Variants in GNG2 observed in about 807,000 individuals in gnomAD.
The protein encoded by GNG2 is G protein subunit gamma 2.
GNG2 carries 5 observed loss-of-function variants against 5.5 expected under a neutral mutation model. The observed-to-expected ratio is 0.91, with a 90% confidence interval of 0.48 to 1.92. GNG2 has a LOEUF of 1.92. Among genes scored for constraint, GNG2 ranks in the 30% most tolerant of loss-of-function variants. The pLI is 0.01. For synonymous variants in GNG2, 28 were observed against 32.0 expected (o/e 0.88, Z 0.42); for missense variants, 55 against 88.4 (o/e 0.62, Z 1.52).
At chr14:51,956,038 A>C (rs1889256321) in intron 3 of GNG2, among the ~76,000 whole-genome samples, 1 of 152,196 alleles carries the variant, frequency 6.6e-6, no homozygotes, top group African/African-American at 2.4e-5. Flanking sequence ...GTATTTTTCC[A>C]GCATTTGAGC....
At chr14:51,827,858 G>C in intron 2 of GNG2, 1 of 635,830 alleles carries the variant, frequency 1.6e-6, no homozygotes, top group East Asian at 2.8e-5. Flanking sequence ...GGAAAACGTT[G>C]AAGTGTTTAT....
At chr14:51,918,784 T>A (rs1034307316) in intron 2 of GNG2, among the ~76,000 whole-genome samples, 5 of 152,190 alleles carry the variant, frequency 3.3e-5, no homozygotes, top group Non-Finnish European at 5.9e-5. Context: ...TTTGGAGAAA[T>A]TCTTGTGTAT....
At chr14:51,837,646 CAAAAAA>C in intron 2 of GNG2, among the ~76,000 whole-genome samples, 1 of 123,140 alleles carries the variant, frequency 8.1e-6, no homozygotes, top group Non-Finnish European at 1.7e-5. Context: ...GACTCCGTTT[CAAAAAA>C]AAAAAAAAAA....
At chr14:51,832,563 C>G (rs1174268275) in intron 2 of GNG2, among the ~76,000 whole-genome samples, 1 of 152,144 alleles carries the variant, frequency 6.6e-6, no homozygotes, top group Non-Finnish European at 1.5e-5. Flanking sequence ...GTTTAAACAA[C>G]AGAAATTTAT....
At chr14:51,871,343 G>T (rs1450178112) in intron 1 of GNG2, among the ~76,000 whole-genome samples, 2 of 123,726 alleles carry the variant, frequency 1.6e-5, no homozygotes, top group African/African-American at 5.8e-5. Context: ...AAAAAAAAAA[G>T]GTCCAACTAG....
chr14:51,923,809 C>T (rs998088267), intron 2 of GNG2, among the ~76,000 whole-genome samples: 8 of 152,108 alleles, frequency 5.3e-5, no homozygotes, highest in African/African-American at 1.9e-4. Context: ...ACAACCCTTG[C>T]TTGTGACAGG....
chr14:51,872,974 A>G (rs1437762440), intron 1 of GNG2, among the ~76,000 whole-genome samples: 1 of 152,164 alleles, frequency 6.6e-6, no homozygotes, highest in Non-Finnish European at 1.5e-5. Flanking sequence ...TCACCTGATT[A>G]TTTCATTTGG....
intron 2 of GNG2, among the ~76,000 whole-genome samples, chr14:51,894,980 T>TTTAAATTAAATTAAATTAAA (rs1885093811): frequency 6.6e-6 from 1 of 151,920 alleles, no homozygotes; most frequent in East Asian, 1.9e-4. Flanking sequence ...AAGAAGAACT[T>TTTAAATTAAATTAAATTAAA]TTAAAATAAT....
chr14:51,947,395 A>C (rs558826938), intron 2 of GNG2, among the ~76,000 whole-genome samples: 50 of 152,288 alleles, frequency 3.3e-4, no homozygotes, highest in African/African-American at 1.2e-3. Flanking sequence ...GGGTCCTTAA[A>C]AGTGGAAGGG....
intron 2 of GNG2, among the ~76,000 whole-genome samples, chr14:51,886,302 A>C (rs754624487): frequency 6.6e-6 from 1 of 152,196 alleles, no homozygotes; most frequent in African/African-American, 2.4e-5. Context: ...ACCTTACACA[A>C]TTGCCAGTGA....
rs375012228 is a variant in GNG2 at position 51,852,862 on chromosome 14, C to T, written c.64+25055C>T. On this transcript the variant is annotated intron_variant, in intron 2 of 3. Coordinates refer to the GNG2 transcript ENST00000553432. ...TGCCAGAAGAGCAATCAATTGACAA[C>T]GCTTTCCTTCATAAGAGCTTTCTAC... is the stretch of plus-strand genomic sequence containing the variant. Among the ~76,000 whole-genome samples the T allele has an allele frequency of 1.1e-4, 17 of 152,362 alleles. No homozygotes were observed. The South Asian group carries it at 1.7e-3, about 15-fold the overall frequency.
intron 2 of GNG2, among the ~76,000 whole-genome samples, chr14:51,928,888 T>G (rs945075691): frequency 5.3e-5 from 8 of 152,186 alleles, no homozygotes; most frequent in African/African-American, 1.9e-4. Context: ...TTTGCCATTT[T>G]CTAGCCTCCA....
intron 2 of GNG2, among the ~76,000 whole-genome samples, chr14:51,947,724 A>G (rs906175111): frequency 4.6e-5 from 7 of 152,306 alleles, no homozygotes; most frequent in Admixed American, 4.6e-4. Flanking sequence ...GCAGCAATAG[A>G]ACAAATATAT....
intron 2 of GNG2, among the ~76,000 whole-genome samples, chr14:51,844,090 G>T (rs1337036671): frequency 6.6e-6 from 1 of 152,158 alleles, no homozygotes; most frequent in Non-Finnish European, 1.5e-5. Context: ...CTTTGTTCTC[G>T]TGGCTGTCCC....
intron 1 of GNG2, among the ~76,000 whole-genome samples, chr14:51,872,924 T>C (rs951735346): frequency 2.6e-5 from 4 of 152,212 alleles, no homozygotes; most frequent in African/African-American, 9.6e-5. Context: ...TACCCACAGA[T>C]TTAGGCTGTT....
rs1889954367 is a variant in GNG2 at position 51,966,961 on chromosome 14, A to AT, written c.*274_*275insT. The AT allele has an allele frequency of 1.4e-5, 1 of 70,422 alleles. No individual in the cohort carries two copies. The allele number at this position is 70,422 out of a possible 1,614,324, so 4.4% of individuals were successfully genotyped here. ...TGTCACTTCTTTTCTGCTATCCCCC[A>AT]GCCCCCCCCCCAAAATCCTCATGTT... is the stretch of plus-strand genomic sequence containing the variant. On this transcript the variant is annotated 3_prime_UTR_variant, in exon 4 of 4. Coordinates refer to ENST00000556766, the MANE Select transcript of GNG2 (RefSeq NM_053064.5).
chr14:51,877,708 TAA>T (rs1883768965), intron 2 of GNG2, 51 bp downstream of exon 2: 3 of 440,940 alleles, frequency 6.8e-6, no homozygotes, highest in Admixed American at 2.6e-5. Context: ...AACCAGAACT[TAA>T]AGAGGAAAAA....
At chr14:51,850,907 C>A (rs1019516128) in intron 2 of GNG2, among the ~76,000 whole-genome samples, 4 of 152,112 alleles carry the variant, frequency 2.6e-5, no homozygotes, top group Non-Finnish European at 5.9e-5. Flanking sequence ...GGGGGATCCA[C>A]CCCCATGATC....
intron 2 of GNG2, 22 bp from the exon 3 acceptor site, chr14:51,950,625 ATCT>A (rs1362055416): frequency 1.8e-5 from 25 of 1,374,112 alleles, no homozygotes; most frequent in Non-Finnish European, 2.3e-5. Flanking sequence ...CTCTGGTACA[ATCT>A]TCTTTTTGTT....
Sources: allele counts gnomAD v4.1 joint callset (sites outside exome capture counted in the v4.1 genomes callset), GRCh38; gene constraint gnomAD v4.1.1; transcripts MANE v1.5; gene names NCBI Gene and HGNC (gene_info 2026-07-23, HGNC 2026-07-21).